Variants in PLEKHM3 observed in about 807,000 individuals in gnomAD.
PLEKHM3 encodes the protein pleckstrin homology domain containing M3.
PLEKHM3 carries 45 observed loss-of-function variants against 81.8 expected under a neutral mutation model. That is an observed-to-expected ratio of 0.55 (90% CI 0.43 to 0.71). The LOEUF is 0.71. Ranked by LOEUF, PLEKHM3 falls within the 30% of genes least tolerant of loss-of-function variation. PLEKHM3 has a pLI of 0.00. For missense variants in PLEKHM3, 788 were observed against 924.3 expected, an observed-to-expected ratio of 0.85 and a Z score of 1.91; for synonymous variants, 352 against 356.4, an observed-to-expected ratio of 0.99 and a Z score of 0.14.
intron 1 of PLEKHM3, among the ~76,000 whole-genome samples, chr2:208,015,361 A>C (rs1166441984): frequency 6.6e-6 from 1 of 152,220 alleles, no homozygotes; most frequent in African/African-American, 2.4e-5. Context: ...TTTTAGTGTC[A>C]AACACCAGCA....
At chr2:207,841,977 A>G (rs1312342262) in intron 7 of PLEKHM3, among the ~76,000 whole-genome samples, 2 of 152,104 alleles carry the variant, frequency 1.3e-5, no homozygotes, top group East Asian at 1.9e-4. Flanking sequence ...TCTCTCTGTC[A>G]CCCAGGCTGG....
chr2:207,989,860 G>A (rs1239039019), intron 2 of PLEKHM3, among the ~76,000 whole-genome samples: 1 of 152,240 alleles, frequency 6.6e-6, no homozygotes, highest in Non-Finnish European at 1.5e-5. Flanking sequence ...TTACCTCTGA[G>A]TCACAAGCAT....
intron 6 of PLEKHM3, among the ~76,000 whole-genome samples, chr2:207,889,711 C>T (rs1687996033): frequency 6.6e-6 from 1 of 152,094 alleles, no homozygotes; most frequent in Admixed American, 6.6e-5. Flanking sequence ...GCAGTCAGCT[C>T]TCTCCTTTCT....
intron 7 of PLEKHM3, among the ~76,000 whole-genome samples, chr2:207,860,149 CTCTGTGTGTGTGTG>C (rs1229835836): frequency 1.6e-5 from 1 of 63,798 alleles, no homozygotes; most frequent in African/African-American, 6.4e-5. Context: ...TGAACTCTGC[CTCTGTGTGTGTGTG>C]TGTGTGTGTG....
In PLEKHM3 at chr2:207,884,633, C is replaced by T. The variant is rs187141784; in HGVS notation, c.1951-23371G>A. Among the ~76,000 whole-genome samples the T allele has an allele frequency of 4.5e-4, 69 of 152,244 alleles. 1 individual carries two copies. Among genetic ancestry groups the T allele is most frequent in the Admixed American group, 4.4e-3 (68 of 15,282 alleles). ...CAAATAAGTAAAAAAGGTAGTGTTA[C>T]TATCAAAGCATGTAATACATTCTTC... On this transcript the variant is annotated intron_variant, in intron 6 of 7. Coordinates refer to ENST00000427836, the MANE Select transcript of PLEKHM3 (RefSeq NM_001080475.3).
chr2:207,912,089 C>T (rs1688827777), intron 5 of PLEKHM3, among the ~76,000 whole-genome samples: 1 of 152,172 alleles, frequency 6.6e-6, no homozygotes, highest in South Asian at 2.1e-4. Flanking sequence ...GTGCTACGTG[C>T]TGGAGATAGA....
At chr2:207,964,684 C>G (rs138646504) in intron 3 of PLEKHM3, among the ~76,000 whole-genome samples, 7 of 152,286 alleles carry the variant, frequency 4.6e-5, no homozygotes, top group African/African-American at 1.4e-4. Flanking sequence ...CATCAGCTGT[C>G]CTCCTGATCT....
chr2:207,855,635 C>T (rs1012353685), intron 7 of PLEKHM3, among the ~76,000 whole-genome samples: 4 of 152,046 alleles, frequency 2.6e-5, no homozygotes, highest in African/African-American at 4.8e-5. Flanking sequence ...TCATGTTGAT[C>T]GTATGTTCCC....
At chr2:207,927,356 A>G (rs2105933353) in intron 5 of PLEKHM3, among the ~76,000 whole-genome samples, 1 of 152,236 alleles carries the variant, frequency 6.6e-6, no homozygotes, top group Admixed American at 6.5e-5. Flanking sequence ...TCTCTACTAA[A>G]AATACAAAAA....
At chr2:207,869,594 T>C (rs1245428117) in intron 6 of PLEKHM3, among the ~76,000 whole-genome samples, 3 of 152,174 alleles carry the variant, frequency 2.0e-5, no homozygotes, top group African/African-American at 7.2e-5. Flanking sequence ...ACATTTTCAT[T>C]TGTAACAAAA....
chr2:207,888,968 G>C (rs753814562), intron 6 of PLEKHM3, among the ~76,000 whole-genome samples: 3 of 152,170 alleles, frequency 2.0e-5, no homozygotes, highest in Non-Finnish European at 4.4e-5. Flanking sequence ...AACTTAACTA[G>C]TATTAGCAGT....
chr2:207,993,827 G>C (rs1250594264), intron 2 of PLEKHM3, among the ~76,000 whole-genome samples: 1 of 152,116 alleles, frequency 6.6e-6, no homozygotes, highest in African/African-American at 2.4e-5. Context: ...CTAATGCAAA[G>C]GATTTCTTTA....
chr2:207,979,548 A>G (rs189786519), intron 2 of PLEKHM3, among the ~76,000 whole-genome samples: 15 of 152,056 alleles, frequency 9.9e-5, no homozygotes, highest in Admixed American at 2.6e-4. Context: ...AAAAAAAAAA[A>G]AAAGAAAGAA....
chr2:207,903,329 AG>A (rs1434145780), intron 6 of PLEKHM3, among the ~76,000 whole-genome samples: 1 of 152,034 alleles, frequency 6.6e-6, no homozygotes. Flanking sequence ...GTCTCACAAG[AG>A]GGGTGTGTGT....
chr2:207,982,692 C>T (rs1387570163), intron 2 of PLEKHM3, among the ~76,000 whole-genome samples: 4 of 151,862 alleles, frequency 2.6e-5, no homozygotes, highest in Non-Finnish European at 5.9e-5. Context: ...AATTCTCCTG[C>T]CTCAGCCTCC....
rs138883054 is a variant in PLEKHM3 at position 207,826,020 on chromosome 2, T to C, written c.*2299A>G. 3 of 152,328 alleles carry C rather than the reference T, an allele frequency of 2.0e-5. No individual in the cohort carries two copies. The highest frequency in any genetic ancestry group is 2.1e-4 in the South Asian group (1 of 4,828). The allele number at this position is 152,328 out of a possible 1,614,324, so 9.4% of individuals were successfully genotyped here. ...GTGAGCTAGGAGAGGAAATTCTGTA[T>C]GCAGGGCAAACATGTTACAAGGGGA... is the stretch of plus-strand genomic sequence containing the variant. On this transcript the variant is annotated 3_prime_UTR_variant, in exon 8 of 8. Coordinates refer to ENST00000427836, the MANE Select transcript of PLEKHM3 (RefSeq NM_001080475.3).
At chr2:207,890,437 G>A (rs1211064391) in intron 6 of PLEKHM3, among the ~76,000 whole-genome samples, 1 of 152,108 alleles carries the variant, frequency 6.6e-6, no homozygotes, top group African/African-American at 2.4e-5. Flanking sequence ...AGACCAGCCT[G>A]GCCAACATGG....
At chr2:207,893,098 CAG>C (rs1301668417) in intron 6 of PLEKHM3, among the ~76,000 whole-genome samples, 1 of 151,702 alleles carries the variant, frequency 6.6e-6, no homozygotes, top group African/African-American at 2.4e-5. Flanking sequence ...CTCATGGAGA[CAG>C]AGAAAGCAGC....
intron 4 of PLEKHM3, among the ~76,000 whole-genome samples, chr2:207,931,413 A>T (rs1689594875): frequency 6.6e-6 from 1 of 152,132 alleles, no homozygotes; most frequent in Non-Finnish European, 1.5e-5. Flanking sequence ...GACTTATTAT[A>T]CCAATGTCAA....
Sources: gnomAD v4.1 joint callset for allele counts (sites outside exome capture counted in the v4.1 genomes callset) on GRCh38, gnomAD v4.1.1 for gene constraint, MANE v1.5 for transcripts, NCBI Gene and HGNC (gene_info 2026-07-23, HGNC 2026-07-21) for gene names.